TBL1X: variants seen among roughly 807,000 people sequenced by gnomAD.
TBL1X encodes transducin beta like 1 X-linked, also known as F-box-like/WD repeat-containing protein TBL1X.
In TBL1X, 10 loss-of-function variants were observed where a neutral mutation model predicts 50.7. That is an observed-to-expected ratio of 0.20 (90% confidence interval 0.12 to 0.33). The LOEUF (loss-of-function observed/expected upper bound fraction) is 0.33, where lower values mean the gene tolerates loss of function less well. Among genes scored for constraint, TBL1X ranks in the 10% least tolerant of loss-of-function variants. The probability of loss-of-function intolerance (pLI) is 1.00; values close to 1 mark genes in which losing one functional copy is unlikely to be tolerated. For synonymous variants in TBL1X, 190 were observed against 214.7 expected (o/e 0.88, Z 1.01); for missense variants, 340 against 504.4 (o/e 0.67, Z 3.12).
chrX:9,468,052 G>T (rs2081788676), intron 1 of TBL1X, among the ~76,000 whole-genome samples: 1 of 112,393 alleles, frequency 8.9e-6, no homozygotes, highest in African/African-American at 3.2e-5. Flanking sequence ...GAAGGTTGCA[G>T]AAGTGAATTG....
At chrX:9,512,806 G>A (rs375556644) in intron 2 of TBL1X, among the ~76,000 whole-genome samples, 1 of 111,712 alleles carries the variant, frequency 9.0e-6, no homozygotes. Context: ...GCCAGTGTAA[G>A]TCTTTTGAAA....
At chrX:9,678,946 G>T (rs1181437065) in intron 5 of TBL1X, among the ~76,000 whole-genome samples, 1 of 111,101 alleles carries the variant, frequency 9.0e-6, no homozygotes, top group Non-Finnish European at 1.9e-5. Flanking sequence ...ATTCCAAATG[G>T]ACAGGACTTT....
chrX:9,486,596 C>T (rs1407833603), intron 1 of TBL1X, among the ~76,000 whole-genome samples: 1 of 107,677 alleles, frequency 9.3e-6, no homozygotes, highest in African/African-American at 3.4e-5. Context: ...CACACCCCCC[C>T]CCCACGCCCC....
intron 12 of TBL1X, among the ~76,000 whole-genome samples, chrX:9,703,611 T>C (rs1389800914): frequency 8.9e-6 from 1 of 111,746 alleles, no homozygotes; most frequent in Non-Finnish European, 1.9e-5. Flanking sequence ...AGTGAGCAGT[T>C]GAAGCCATGC....
At chrX:9,634,385 T>C (rs1021892657) in intron 2 of TBL1X, among the ~76,000 whole-genome samples, 1 of 111,508 alleles carries the variant, frequency 9.0e-6, no homozygotes, top group African/African-American at 3.3e-5. Flanking sequence ...TCGGACACAG[T>C]GTATGCTGTA....
chrX:9,508,647 T>G, intron 2 of TBL1X, among the ~76,000 whole-genome samples: 1 of 112,017 alleles, frequency 8.9e-6, no homozygotes, highest in Admixed American at 9.5e-5. Context: ...TGTATGTTTC[T>G]TATAGCACTA....
intron 2 of TBL1X, among the ~76,000 whole-genome samples, chrX:9,507,760 C>A (rs1201997991): frequency 9.0e-6 from 1 of 111,373 alleles, no homozygotes; most frequent in African/African-American, 3.3e-5. Flanking sequence ...ACCAGTGGAC[C>A]AGAACAGAGA....
At chrX:9,628,362 T>C (rs2082703162) in intron 2 of TBL1X, among the ~76,000 whole-genome samples, 2 of 111,394 alleles carry the variant, frequency 1.8e-5, no homozygotes, top group East Asian at 2.8e-4. Context: ...CATTGTCCAA[T>C]GTCCCCTGGG....
intron 2 of TBL1X, among the ~76,000 whole-genome samples, chrX:9,610,596 T>C (rs1164714238): frequency 8.9e-6 from 1 of 112,395 alleles, no homozygotes; most frequent in Admixed American, 9.4e-5. Context: ...GAAGTCCTTT[T>C]TCAAATTCCC....
chrX:9,674,265 A>C (rs1276762918), intron 5 of TBL1X, among the ~76,000 whole-genome samples: 2 of 109,991 alleles, frequency 1.8e-5, no homozygotes, highest in Non-Finnish European at 3.8e-5. Flanking sequence ...CGCCCGATAT[A>C]TATTTCATGT....
At chrX:9,516,180 A>T (rs1392079897) in intron 2 of TBL1X, among the ~76,000 whole-genome samples, 1 of 111,209 alleles carries the variant, frequency 9.0e-6, no homozygotes, top group Non-Finnish European at 1.9e-5. Flanking sequence ...CCTGCCTGTT[A>T]TCTCCGTGTT....
At chrX:9,595,500 G>A (rs1283108517) in intron 2 of TBL1X, among the ~76,000 whole-genome samples, 2 of 111,984 alleles carry the variant, frequency 1.8e-5, no homozygotes, top group Non-Finnish European at 3.8e-5. Context: ...TCGATGGAGA[G>A]GGTTCACATA....
At chrX:9,472,688 C>T (rs2081824591) in intron 1 of TBL1X, among the ~76,000 whole-genome samples, 1 of 110,205 alleles carries the variant, frequency 9.1e-6, no homozygotes, top group Non-Finnish European at 1.9e-5. Flanking sequence ...CTGAGGGGGG[C>T]AGATCACGAG....
chrX:9,532,829 A>G, intron 2 of TBL1X, among the ~76,000 whole-genome samples: 1 of 111,483 alleles, frequency 9.0e-6, no homozygotes, highest in Non-Finnish European at 1.9e-5. Context: ...TTACCTCTTG[A>G]ATGGCCCTAA....
At chrX:9,474,873 ATTTG>A (rs956871060) in intron 1 of TBL1X, among the ~76,000 whole-genome samples, 8 of 111,980 alleles carry the variant, frequency 7.1e-5, no homozygotes, top group Admixed American at 9.5e-5. Context: ...AAATCTGGTT[ATTTG>A]TTTGTTTGTT....
At chrX:9,625,494 T>C (rs1240174344) in intron 2 of TBL1X, among the ~76,000 whole-genome samples, 2 of 112,293 alleles carry the variant, frequency 1.8e-5, no homozygotes, top group Non-Finnish European at 3.8e-5. Context: ...AGGATCATGC[T>C]GCTTCTCAGA....
intron 3 of TBL1X, among the ~76,000 whole-genome samples, chrX:9,650,683 G>C (rs1454845445): frequency 8.9e-6 from 1 of 112,014 alleles, no homozygotes; most frequent in African/African-American, 3.2e-5. Flanking sequence ...TGAGGCTGAA[G>C]CTATAGCGCT....
chrX:9,544,939 T>C (rs887170937), intron 2 of TBL1X, among the ~76,000 whole-genome samples: 1 of 110,354 alleles, frequency 9.1e-6, no homozygotes, highest in Admixed American at 9.7e-5. Flanking sequence ...AAAGTGGGAC[T>C]GGTGTGAGGC....
intron 2 of TBL1X, among the ~76,000 whole-genome samples, chrX:9,543,794 A>G (rs1053291597): frequency 1.8e-5 from 2 of 111,784 alleles, no homozygotes; most frequent in African/African-American, 3.3e-5. Flanking sequence ...CAGTATCAAA[A>G]ATGACAGCGA....
Sources: gnomAD v4.1 joint callset for allele counts (sites outside exome capture counted in the v4.1 genomes callset) on GRCh38, gnomAD v4.1.1 for gene constraint, MANE v1.5 for transcripts, NCBI Gene and HGNC (gene_info 2026-07-23, HGNC 2026-07-21) for gene names.